The following LCORL variants were observed in gnomAD, a reference collection of about 807,000 sequenced individuals.
LCORL encodes ligand dependent nuclear receptor corepressor like.
In LCORL, 41 loss-of-function variants were observed where a neutral mutation model predicts 141.8. The ratio of observed to expected loss-of-function variants is 0.29; its 90% CI spans 0.23 to 0.38. LCORL has a LOEUF of 0.38. LCORL is among the 10% of genes least tolerant of loss of function. LCORL has a pLI of 1.00. For synonymous variants in LCORL, 618 were observed against 694.1 expected (o/e 0.89, Z 1.72); for missense variants, 1,759 against 2,035.0 (o/e 0.86, Z 2.61).
intron 1 of LCORL, among the ~76,000 whole-genome samples, chr4:17,980,535 C>T (rs532615486): frequency 3.3e-5 from 5 of 152,358 alleles, no homozygotes; most frequent in African/African-American, 1.2e-4. Context: ...ACAAAGACTT[C>T]GAGCTTAAGC....
chr4:17,967,635 TAAGTA>T (rs1389577486), intron 2 of LCORL, among the ~76,000 whole-genome samples: 1 of 152,206 alleles, frequency 6.6e-6, no homozygotes, highest in Non-Finnish European at 1.5e-5. Flanking sequence ...AATTTTTGGT[TAAGTA>T]TAGTCCATCA....
At chr4:18,001,650 G>A (rs1721982599) in intron 1 of LCORL, among the ~76,000 whole-genome samples, 1 of 152,204 alleles carries the variant, frequency 6.6e-6, no homozygotes, top group African/African-American at 2.4e-5. Context: ...GAAAGGCACA[G>A]ATCTGGAAAT....
chr4:17,865,855 G>T (rs537944187), intron 7 of LCORL, among the ~76,000 whole-genome samples: 1 of 152,136 alleles, frequency 6.6e-6, no homozygotes, highest in Non-Finnish European at 1.5e-5. Flanking sequence ...AATCACAATG[G>T]TCTAAGTGTG....
rs12644764 is a variant in LCORL at position 17,901,618 on chromosome 4, T to C, written c.682+7476A>G. 3.0e-4 allele frequency among the ~76,000 whole-genome samples: 45 copies of C among 152,208 alleles called. No homozygotes were observed. The East Asian group carries it at 7.3e-3, about 25-fold the overall frequency. On this transcript the variant is annotated intron_variant, in intron 5 of 7. Transcript: ENST00000635767. ...CACAAGGGAAACACAGCACTCAATATAGCTGTAAGTGTCAGGGCAGGTGAC... is the reference window on the plus strand; with the variant it reads ...CACAAGGGAAACACAGCACTCAATACAGCTGTAAGTGTCAGGGCAGGTGAC...
At chr4:17,974,143 C>T (rs982616170) in intron 1 of LCORL, among the ~76,000 whole-genome samples, 2 of 152,048 alleles carry the variant, frequency 1.3e-5, no homozygotes, top group Non-Finnish European at 2.9e-5. Flanking sequence ...AGAAGATACT[C>T]TATTTTTCTG....
intron 5 of LCORL, among the ~76,000 whole-genome samples, chr4:17,891,553 G>C (rs1729081481): frequency 6.6e-6 from 1 of 152,092 alleles, no homozygotes; most frequent in Non-Finnish European, 1.5e-5. Flanking sequence ...TCACTTGTTT[G>C]AGAATTAGAT....
chr4:17,843,200 A>T, exon 8 of LCORL: 1 of 1,272,070 alleles, frequency 7.9e-7, no homozygotes, highest in Non-Finnish European at 1.1e-6. Flanking sequence ...GCTATCAATT[A>T]AACACTGATA....
intron 5 of LCORL, 83 bp from the exon 6 acceptor site, chr4:17,886,244 C>G: frequency 1.3e-6 from 1 of 769,826 alleles, no homozygotes; most frequent in Non-Finnish European, 2.3e-6. Context: ...TTTTGTTGAT[C>G]TAATTCATAA....
chr4:17,949,856 T>C (rs2109530061), intron 4 of LCORL, among the ~76,000 whole-genome samples: 1 of 152,188 alleles, frequency 6.6e-6, no homozygotes, highest in South Asian at 2.1e-4. Flanking sequence ...ACTACATAAT[T>C]TGAGGATCAC....
At chr4:17,962,435 TAGAAA>T (rs748332887) in intron 3 of LCORL, among the ~76,000 whole-genome samples, 14 of 151,934 alleles carry the variant, frequency 9.2e-5, no homozygotes, top group Non-Finnish European at 1.9e-4. Context: ...CTCACAACAG[TAGAAA>T]AGAAATCAGA....
At chr4:17,863,434 C>G (rs1024522977) in intron 7 of LCORL, among the ~76,000 whole-genome samples, 3 of 152,100 alleles carry the variant, frequency 2.0e-5, no homozygotes, top group African/African-American at 7.2e-5. Flanking sequence ...AAATCAGAAC[C>G]ACAATGAGAT....
intron 4 of LCORL, among the ~76,000 whole-genome samples, chr4:17,910,947 A>T (rs1732422507): frequency 1.3e-5 from 2 of 152,196 alleles, no homozygotes; most frequent in South Asian, 4.1e-4. Flanking sequence ...TTAGAACCTG[A>T]TAGGAAAGAG....
intron 1 of LCORL, among the ~76,000 whole-genome samples, chr4:17,985,225 G>T (rs1247645220): frequency 1.3e-5 from 2 of 152,092 alleles, no homozygotes; most frequent in African/African-American, 2.4e-5. Context: ...GCCATGTGGT[G>T]ATGAGAAGTA....
intron 4 of LCORL, chr4:17,912,967 C>A: frequency 2.3e-6 from 1 of 438,688 alleles, no homozygotes. Context: ...CACCAAAGTT[C>A]TAAAACATTA....
chr4:17,955,449 C>T (rs1712408838), intron 4 of LCORL, among the ~76,000 whole-genome samples: 1 of 152,118 alleles, frequency 6.6e-6, no homozygotes, highest in Non-Finnish European at 1.5e-5. Context: ...CTACTGTGTG[C>T]TAGTTCTTGA....
At chr4:18,006,620 C>A (rs991116455) in intron 1 of LCORL, among the ~76,000 whole-genome samples, 1 of 152,120 alleles carries the variant, frequency 6.6e-6, no homozygotes, top group Non-Finnish European at 1.5e-5. Context: ...GTGAAAGGCA[C>A]ATCTCAGATG....
chr4:17,931,671 CT>C (rs1422678670), intron 4 of LCORL, among the ~76,000 whole-genome samples: 1 of 151,744 alleles, frequency 6.6e-6, no homozygotes, highest in East Asian at 1.9e-4. Context: ...TGAAAAAATG[CT>C]TTTTGTATTG....
intron 4 of LCORL, among the ~76,000 whole-genome samples, chr4:17,935,142 GAAGA>G (rs1289015231): frequency 6.6e-6 from 1 of 152,182 alleles, no homozygotes; most frequent in African/African-American, 2.4e-5. Context: ...AGGTACAGAA[GAAGA>G]AAGAAGGAAT....
chr4:17,847,994 G>C (rs1402565404), intron 7 of LCORL, among the ~76,000 whole-genome samples: 1 of 152,120 alleles, frequency 6.6e-6, no homozygotes, highest in Admixed American at 6.5e-5. Flanking sequence ...TGTTTTGTTT[G>C]CTATTTGACT....
Sources: allele counts gnomAD v4.1 joint callset (sites outside exome capture counted in the v4.1 genomes callset), GRCh38; gene constraint gnomAD v4.1.1; transcripts MANE v1.5; gene names NCBI Gene and HGNC (gene_info 2026-07-23, HGNC 2026-07-21).